GALNTL6: variants seen among roughly 807,000 people sequenced by gnomAD.
GALNTL6 encodes the protein polypeptide N-acetylgalactosaminyltransferase like 6, also known as polypeptide N-acetylgalactosaminyltransferase-like 6.
In GALNTL6, 46 loss-of-function variants were observed where a neutral mutation model predicts 73.7. The observed-to-expected ratio is 0.62, with a 90% CI of 0.49 to 0.80. GALNTL6 has a LOEUF of 0.80. Among genes scored for constraint, GALNTL6 ranks in the 30% least tolerant of loss-of-function variants. The pLI, the probability that GALNTL6 is intolerant of heterozygous loss-of-function variation, is 0.00. For synonymous variants in GALNTL6, 259 were observed against 263.7 expected (o/e 0.98, Z 0.17); for missense variants, 604 against 755.0 (o/e 0.80, Z 2.34).
At chr4:172,714,441 C>T (rs577882909) in intron 5 of GALNTL6, among the ~76,000 whole-genome samples, 9 of 152,124 alleles carry the variant, frequency 5.9e-5, no homozygotes, top group Admixed American at 2.0e-4. Context: ...TCATAATGAT[C>T]GTAATACCTA....
At chr4:172,717,377 C>A (rs931013740) in intron 5 of GALNTL6, among the ~76,000 whole-genome samples, 3 of 152,136 alleles carry the variant, frequency 2.0e-5, no homozygotes, top group African/African-American at 7.2e-5. Flanking sequence ...TAAACGGGAC[C>A]AAAAGCTATT....
chr4:172,471,994 T>C (rs1335477702), intron 5 of GALNTL6, among the ~76,000 whole-genome samples: 1 of 152,216 alleles, frequency 6.6e-6, no homozygotes, highest in Non-Finnish European at 1.5e-5. Flanking sequence ...AATGTTCAGA[T>C]AAGGATAAAG....
intron 5 of GALNTL6, among the ~76,000 whole-genome samples, chr4:172,748,891 TGTTGTTGTTGTTGTTG>T (rs1737265703): frequency 1.7e-4 from 1 of 5,932 alleles, no homozygotes; most frequent in East Asian, 0.026. Context: ...TTGTTGTTGT[TGTTGTTGTTGTTGTTG>T]TTGTTGTTGT....
chr4:172,952,140 A>G lies in GALNTL6; in HGVS notation c.1253A>G (p.Gln418Arg). 6.2e-7 allele frequency: 1 copy of G among 1,614,118 alleles called. No individual in the cohort carries two copies. The highest frequency in any genetic ancestry group is 8.5e-7 in the Non-Finnish European group (1 of 1,179,974). Reference protein sequence around the residue: ...RHLSTGDISAQKELRKQLKCK... With the variant: ...RHLSTGDISARKELRKQLKCK... Reference sequence around the variant, plus strand: ...CTCTCCACGGGGGACATCTCTGCCCAGAAGGAGCTGCGCAAGCAGCTCAAG... The same window carrying G: ...CTCTCCACGGGGGACATCTCTGCCCGGAAGGAGCTGCGCAAGCAGCTCAAG... Residue 418 changes from glutamine (Q) to arginine (R), a missense_variant, in exon 10 of 13, where the codon CAG (glutamine) becomes CGG (arginine). By Grantham distance (43) the Gln-to-Arg change is conservative. Transcript: ENST00000506823.
At chr4:172,624,818 A>G (rs1739101465) in intron 5 of GALNTL6, among the ~76,000 whole-genome samples, 1 of 148,586 alleles carries the variant, frequency 6.7e-6, no homozygotes. Context: ...TTTTATTTCA[A>G]CTTTTATTTT....
chr4:172,684,139 A>G (rs1732788409), intron 5 of GALNTL6, among the ~76,000 whole-genome samples: 1 of 152,224 alleles, frequency 6.6e-6, no homozygotes, highest in African/African-American at 2.4e-5. Context: ...TTAACACCAT[A>G]GTAAAGAAAA....
intron 8 of GALNTL6, among the ~76,000 whole-genome samples, chr4:172,903,779 C>CG (rs1271295009): frequency 1.5e-4 from 23 of 152,076 alleles, no homozygotes; most frequent in Non-Finnish European, 3.4e-4. Context: ...AGAATCCTTT[C>CG]GGGGGTTTGT....
rs566630068 is a variant in GALNTL6, at chr4:172,696,512, C to T, written c.554-112849C>T. On this transcript the variant is annotated intron_variant, in intron 5 of 12. Coordinates refer to ENST00000506823, the MANE Select transcript of GALNTL6 (RefSeq NM_001034845.3). The stretch of plus-strand genomic sequence containing the variant: ...AGATTGTAGCTCCCCATAATTCCCA[C>T]GTGTCATGGGAGGGATCTGGTGGGA... Among the ~76,000 whole-genome samples, 147 of 152,280 alleles carry T rather than the reference C, an allele frequency of 9.7e-4. 2 individuals are homozygous for T. In the South Asian group the frequency reaches 0.021, roughly 22 times the overall value.
rs535334276 is a variant in GALNTL6, at chr4:172,725,753, G to GA, written c.554-83601dup. ...GATAAACAGTCATTTCCTCATCTGT[G>GA]AAAAAAATTATTCATTCTGCTAATA... On this transcript the variant is annotated intron_variant, in intron 5 of 12. Transcript: ENST00000506823. 1.1e-4 allele frequency among the ~76,000 whole-genome samples: 17 copies of GA among 152,220 alleles called. No individual in the cohort carries two copies. The East Asian group carries it at 3.3e-3, about 29-fold the overall frequency.
chr4:172,121,323 T>G (rs1733146190), intron 2 of GALNTL6, among the ~76,000 whole-genome samples: 1 of 148,234 alleles, frequency 6.7e-6, no homozygotes, highest in African/African-American at 2.5e-5. Context: ...TTGCACAAGA[T>G]TGTGGTTTTT....
At chr4:171,819,873 A>G (rs1734636988) in intron 2 of GALNTL6, among the ~76,000 whole-genome samples, 1 of 152,122 alleles carries the variant, frequency 6.6e-6, no homozygotes, top group Non-Finnish European at 1.5e-5. Flanking sequence ...ATCTAAGGAG[A>G]CCATGTTCTT....
intron 5 of GALNTL6, among the ~76,000 whole-genome samples, chr4:172,405,437 ATATATATTTTTTTTTT>A (rs1744197816): frequency 3.5e-4 from 1 of 2,828 alleles, no homozygotes; most frequent in African/African-American, 8.0e-4. Flanking sequence ...ATATATATAT[ATATATATTTTTTTTTT>A]TTTTTTTTTT....
chr4:172,602,234 A>G (rs936451085), intron 5 of GALNTL6, among the ~76,000 whole-genome samples: 4 of 152,162 alleles, frequency 2.6e-5, no homozygotes, highest in South Asian at 2.1e-4. Context: ...ATGGGTGAAA[A>G]TGACACCATA....
chr4:172,379,455 G>A (rs1226659070), intron 5 of GALNTL6, among the ~76,000 whole-genome samples: 26 of 145,446 alleles, frequency 1.8e-4, no homozygotes, highest in South Asian at 1.3e-3. Flanking sequence ...GCGTGAACCC[G>A]GGAAGCGGAG....
intron 12 of GALNTL6, among the ~76,000 whole-genome samples, chr4:173,025,781 C>A (rs1241096646): frequency 6.6e-6 from 1 of 152,154 alleles, no homozygotes; most frequent in Non-Finnish European, 1.5e-5. Flanking sequence ...CTTAATACAC[C>A]CCAATTCATC....
At chr4:172,888,729 T>C (rs1452867177) in intron 8 of GALNTL6, among the ~76,000 whole-genome samples, 3 of 152,212 alleles carry the variant, frequency 2.0e-5, no homozygotes, top group Non-Finnish European at 4.4e-5. Flanking sequence ...AGGATTGCCT[T>C]GGCTATCTGG....
intron 4 of GALNTL6, among the ~76,000 whole-genome samples, chr4:172,313,702 A>G (rs1740445323): frequency 6.6e-6 from 1 of 152,204 alleles, no homozygotes; most frequent in Non-Finnish European, 1.5e-5. Flanking sequence ...GAAGAAAAAT[A>G]TGGCCAAAAT....
intron 8 of GALNTL6, among the ~76,000 whole-genome samples, chr4:172,917,071 CA>C (rs1438406812): frequency 2.6e-5 from 4 of 152,156 alleles, no homozygotes; most frequent in Non-Finnish European, 5.9e-5. Context: ...TGGAATGGAA[CA>C]GAGCCCTCAG....
chr4:171,860,073 C>T (rs1022420218), intron 2 of GALNTL6, among the ~76,000 whole-genome samples: 8 of 152,138 alleles, frequency 5.3e-5, no homozygotes, highest in African/African-American at 1.7e-4. Flanking sequence ...ACTGAGTTAA[C>T]CTTTTACTGT....
Sources: allele counts gnomAD v4.1 joint callset (sites outside exome capture counted in the v4.1 genomes callset), GRCh38; gene constraint gnomAD v4.1.1; transcripts MANE v1.5; gene names NCBI Gene and HGNC (gene_info 2026-07-23, HGNC 2026-07-21).